The following CDC14A variants were observed in gnomAD, a reference collection of about 807,000 sequenced individuals.
CDC14A encodes the protein cell division cycle 14A.
In CDC14A, 53 loss-of-function variants were observed where a neutral mutation model predicts 74.4. The ratio of observed to expected loss-of-function variants is 0.71; its 90% confidence interval spans 0.57 to 0.89. The LOEUF (loss-of-function observed/expected upper bound fraction) is 0.89. Ranked by LOEUF, CDC14A falls within the 40% of genes least tolerant of loss-of-function variation. CDC14A has a pLI of 0.00. For missense variants in CDC14A, 646 were observed against 713.7 expected, an observed-to-expected ratio of 0.91 and a Z score of 1.08; for synonymous variants, 247 against 258.4, an observed-to-expected ratio of 0.96 and a Z score of 0.43.
intron 4 of CDC14A, among the ~76,000 whole-genome samples, chr1:100,401,992 C>T (rs984063556): frequency 9.9e-5 from 15 of 151,326 alleles, no homozygotes; most frequent in African/African-American, 1.7e-4. Context: ...GAGCCGAGAT[C>T]GCGCCATTGC....
chr1:100,359,195 C>G (rs1278101594), intron 2 of CDC14A, among the ~76,000 whole-genome samples: 1 of 152,200 alleles, frequency 6.6e-6, no homozygotes, highest in Non-Finnish European at 1.5e-5. Context: ...TAGCCCTGTG[C>G]CAGGCAGTGT....
rs535821962 is a variant in CDC14A at position 100,443,054 on chromosome 1, CCT to C, written c.519+59_519+60del. 7.5e-4 allele frequency: 859 copies of C among 1,140,140 alleles called. 10 individuals carry two copies. Among genetic ancestry groups the C allele is most frequent in the South Asian group, 6.3e-3 (500 of 78,934 alleles). The allele number at this position is 1,140,140 out of a possible 1,614,324, so 70.6% of individuals were successfully genotyped here. ...ATTTCATGTTGATTAATTTTTTCCC[CCT>C]GTCACACTCATGTATTGCAAATCGA... is the stretch of plus-strand genomic sequence containing the variant. On this transcript the variant is annotated intron_variant, in intron 7 of 15. Coordinates refer to ENST00000336454, the MANE Select transcript of CDC14A (RefSeq NM_003672.4).
At chr1:100,516,502 A>T (rs1301957797) in intron 15 of CDC14A, among the ~76,000 whole-genome samples, 1 of 152,158 alleles carries the variant, frequency 6.6e-6, no homozygotes, top group African/African-American at 2.4e-5. Flanking sequence ...AACTTTACTA[A>T]TCGGAACAAA....
chr1:100,376,690 C>T (rs1401718866), intron 2 of CDC14A, among the ~76,000 whole-genome samples: 1 of 152,076 alleles, frequency 6.6e-6, no homozygotes, highest in African/African-American at 2.4e-5. Context: ...AGAAGATCTA[C>T]AGATTGATGA....
In CDC14A at chr1:100,498,102, A is replaced by G. The variant is rs1414463654; in HGVS notation, c.1316A>G (p.Gln439Arg). Reference protein sequence around the residue: ...SQPFRLSSSLQGSAVTLKTSK... With the variant: ...SQPFRLSSSLRGSAVTLKTSK... ...CCGCAAAGATTAAGTTCATCCCTGC[A>G]AGGATCTGCAGTTACTTTGAAGACA... is the stretch of plus-strand genomic sequence containing the variant. Residue 439 changes from glutamine (Q) to arginine (R), a missense_variant, in exon 14 of 16, where the codon CAA becomes CGA. Gln to Arg is a conservative substitution (Grantham distance 43). Transcript: ENST00000336454. 6.2e-7 allele frequency: 1 copy of G among 1,613,800 alleles called. No individual in the cohort carries two copies. Among genetic ancestry groups the G allele is most frequent in the African/African-American group, 1.3e-5 (1 of 74,940 alleles).
chr1:100,483,833 A>G (rs1033694539), intron 10 of CDC14A, among the ~76,000 whole-genome samples: 2 of 152,178 alleles, frequency 1.3e-5, no homozygotes. Flanking sequence ...GGTACCACCC[A>G]AAAGTAGGTA....
At chr1:100,382,605 A>G (rs1656300877) in intron 3 of CDC14A, among the ~76,000 whole-genome samples, 1 of 152,040 alleles carries the variant, frequency 6.6e-6, no homozygotes, top group Non-Finnish European at 1.5e-5. Flanking sequence ...TTGGAGAAAA[A>G]AAAAGTCTCT....
At chr1:100,465,646 C>T (rs367926000) in intron 9 of CDC14A, among the ~76,000 whole-genome samples, 6 of 152,152 alleles carry the variant, frequency 3.9e-5, no homozygotes, top group African/African-American at 2.4e-5. Context: ...CATGCCTCAA[C>T]GTAAAGTATT....
At chr1:100,445,055 TTG>T (rs1665387192) in intron 7 of CDC14A, among the ~76,000 whole-genome samples, 1 of 152,234 alleles carries the variant, frequency 6.6e-6, no homozygotes, top group Admixed American at 6.5e-5. Flanking sequence ...GTCAGATAAC[TTG>T]TAGTACATCT....
At chr1:100,490,999 G>T (rs1670556972) in intron 11 of CDC14A, among the ~76,000 whole-genome samples, 2 of 152,102 alleles carry the variant, frequency 1.3e-5, no homozygotes, top group African/African-American at 2.4e-5. Context: ...ACTTTAAAAG[G>T]AATTCCACTT....
At chr1:100,440,660 A>G (rs1664823025) in intron 6 of CDC14A, among the ~76,000 whole-genome samples, 1 of 152,208 alleles carries the variant, frequency 6.6e-6, no homozygotes, top group Admixed American at 6.5e-5. Flanking sequence ...TCAGTCAGGA[A>G]TGTACATATT....
intron 2 of CDC14A, among the ~76,000 whole-genome samples, chr1:100,373,764 G>T (rs1654814756): frequency 2.0e-5 from 3 of 151,920 alleles, no homozygotes; most frequent in Admixed American, 2.0e-4. Flanking sequence ...AATGAGTCTA[G>T]AACTTTTATT....
chr1:100,407,248 G>A (rs868571396), intron 4 of CDC14A, among the ~76,000 whole-genome samples: 43 of 152,216 alleles, frequency 2.8e-4, no homozygotes, highest in African/African-American at 9.9e-4. Context: ...AATGTCAGTG[G>A]CAGTTTAATG....
rs1054058414 is a variant in CDC14A at position 100,390,773 on chromosome 1, T to C, written c.258T>C (p.Cys86=). Residue 86 remains cysteine, a synonymous_variant, in exon 4 of 16, where the codon TGT becomes TGC. Transcript: ENST00000336454. ...LSRKKIVHYT[C]FDQRKRANAA... The stretch of plus-strand genomic sequence containing the variant: ...GAAAGAAAATAGTGCACTACACCTG[T>C]TTTGACCAACGGAAAAGAGCAAATG... The C allele has an allele frequency of 1.9e-6, 3 of 1,613,088 alleles. No homozygotes were observed. The highest frequency in any genetic ancestry group is 2.5e-6 in the Non-Finnish European group (3 of 1,179,460).
At chr1:100,518,224 C>T (rs1315327672) in intron 15 of CDC14A, 27 bp from the exon 16 acceptor site, 6 of 1,591,284 alleles carry the variant, frequency 3.8e-6, no homozygotes, top group Non-Finnish European at 5.2e-6. Context: ...TGGAATTTAA[C>T]CTCAGTTTAT....
intron 1 of CDC14A, among the ~76,000 whole-genome samples, chr1:100,346,870 T>C (rs1650473621): frequency 6.6e-6 from 1 of 152,218 alleles, no homozygotes; most frequent in Admixed American, 6.5e-5. Context: ...TTGTTTTACT[T>C]AATGTTCACT....
At position 100,499,002 on chromosome 1, in the gene CDC14A, A is replaced by C. The variant is rs753709044; in HGVS notation, c.1495A>C (p.Lys499Gln). 1 of 1,614,186 alleles carries C rather than the reference A, an allele frequency of 6.2e-7. No homozygotes were observed. Among genetic ancestry groups the C allele is most frequent in the Non-Finnish European group, 8.5e-7 (1 of 1,180,032 alleles). The change falls in exon 15 of 16, where the codon AAG becomes CAG. Residue 499 changes from lysine to glutamine, a missense_variant. Lys to Gln is a moderately conservative substitution (Grantham distance 53). Transcript: ENST00000336454. ...TGCAACAGATGATCCAGAGAACAAA[A>C]AGACCTCCTCATCCTCTAAGGCAGG... ...NAATDDPENK[K>Q]TSSSSKAGFT... is the part of the protein sequence containing the mutation.
At chr1:100,398,890 G>A (rs754805907) in intron 4 of CDC14A, among the ~76,000 whole-genome samples, 29 of 152,144 alleles carry the variant, frequency 1.9e-4, no homozygotes, top group Non-Finnish European at 3.7e-4. Context: ...CAGCAGGCCA[G>A]GTTGCTGAGG....
intron 2 of CDC14A, among the ~76,000 whole-genome samples, chr1:100,376,166 G>GT (rs1655233683): frequency 6.6e-6 from 1 of 151,990 alleles, no homozygotes. Context: ...GTGGGGGGAT[G>GT]GGGGAGGGAT....
Sources: allele counts gnomAD v4.1 joint callset (sites outside exome capture counted in the v4.1 genomes callset), GRCh38; gene constraint gnomAD v4.1.1; transcripts MANE v1.5; gene names NCBI Gene and HGNC (gene_info 2026-07-23, HGNC 2026-07-21).